The following DSCAM variants were observed in gnomAD, a reference collection of about 807,000 sequenced individuals.
The protein encoded by DSCAM is cell adhesion molecule DSCAM.
A neutral mutation model predicts 217.7 loss-of-function variants in DSCAM; 47 were observed. That is an observed-to-expected ratio of 0.22 (90% confidence interval 0.17 to 0.28). The LOEUF (loss-of-function observed/expected upper bound fraction) is 0.28. DSCAM is among the 10% of genes least tolerant of loss of function. DSCAM has a pLI of 1.00. For missense variants in DSCAM, 2,080 were observed against 2,618.3 expected (o/e 0.79, Z 4.49); for synonymous variants, 1,056 against 1,015.3 (o/e 1.04, Z -0.76).
chr21:40,652,504 G>A (rs1215985636), intron 3 of DSCAM, among the ~76,000 whole-genome samples: 5 of 152,054 alleles, frequency 3.3e-5, no homozygotes, highest in Admixed American at 2.6e-4. Context: ...ACTGAATAAC[G>A]AGCCCATGGC....
chr21:40,806,697 C>T (rs564950518), intron 1 of DSCAM, among the ~76,000 whole-genome samples: 1 of 152,270 alleles, frequency 6.6e-6, no homozygotes, highest in African/African-American at 2.4e-5. Context: ...ATAGCAAATA[C>T]TTGGAACCAA....
At chr21:40,243,402 A>G (rs548937752) in intron 11 of DSCAM, among the ~76,000 whole-genome samples, 14 of 152,180 alleles carry the variant, frequency 9.2e-5, no homozygotes, top group East Asian at 1.9e-4. Flanking sequence ...TTCTTTTTCA[A>G]TAGTGAAAGG....
At chr21:40,760,044 A>T (rs533524653) in intron 1 of DSCAM, among the ~76,000 whole-genome samples, 18 of 151,736 alleles carry the variant, frequency 1.2e-4, no homozygotes, top group Admixed American at 8.5e-4. Flanking sequence ...ACCAGGCTGG[A>T]ATGCAGTGGC....
chr21:40,533,051 T>C (rs998104763), intron 3 of DSCAM, among the ~76,000 whole-genome samples: 1 of 151,976 alleles, frequency 6.6e-6, no homozygotes, highest in African/African-American at 2.4e-5. Flanking sequence ...CTTAATTGAA[T>C]TAACTTTACA....
At chr21:40,686,151 C>T (rs887805320) in intron 3 of DSCAM, among the ~76,000 whole-genome samples, 1 of 148,870 alleles carries the variant, frequency 6.7e-6, no homozygotes, top group South Asian at 2.2e-4. Context: ...ACACACACCC[C>T]CTGCATATAT....
chr21:40,577,715 G>C (rs146162083), intron 3 of DSCAM, among the ~76,000 whole-genome samples: 1,960 of 152,274 alleles, frequency 0.013, 20 homozygotes, highest in South Asian at 0.033. Flanking sequence ...GGTCTAGTTA[G>C]AACAATTTTA....
Position 40,846,802 on chromosome 21 carries a change from CTA to C in DSCAM, c.-143_-142del. 7 of 202,302 alleles carry C rather than the reference CTA, an allele frequency of 3.5e-5. No homozygotes were observed. The highest frequency in any genetic ancestry group is 4.3e-5 in the Non-Finnish European group (5 of 116,816). The allele number at this position is 202,302 out of a possible 1,614,324, so 12.5% of individuals were successfully genotyped here. On this transcript the variant is annotated 5_prime_UTR_variant, in exon 1 of 33. Coordinates refer to ENST00000400454, the MANE Select transcript of DSCAM (RefSeq NM_001389.5). ...CGCCCGCCGCCGCCGCCGCCGCTGC[CTA>C]GCCGCCCGGGCACGCGGCGCGGCCG... is the stretch of plus-strand genomic sequence containing the variant.
At chr21:40,728,257 A>T (rs1352347591) in intron 1 of DSCAM, among the ~76,000 whole-genome samples, 1 of 152,166 alleles carries the variant, frequency 6.6e-6, no homozygotes, top group Non-Finnish European at 1.5e-5. Flanking sequence ...TTATTCCCTG[A>T]TGTATTCCCA....
chr21:40,610,140 ATC>A (rs2089293751), intron 3 of DSCAM, among the ~76,000 whole-genome samples: 2 of 152,148 alleles, frequency 1.3e-5, no homozygotes, highest in Admixed American at 1.3e-4. Flanking sequence ...GCATATTTAA[ATC>A]TCTCATCAAA....
intron 3 of DSCAM, among the ~76,000 whole-genome samples, chr21:40,448,869 C>G (rs995559613): frequency 1.3e-5 from 2 of 152,178 alleles, no homozygotes; most frequent in African/African-American, 4.8e-5. Context: ...CAAACTGCCA[C>G]AAACTTAGTG....
intron 3 of DSCAM, among the ~76,000 whole-genome samples, chr21:40,585,520 A>T (rs2076940143): frequency 6.6e-6 from 1 of 152,210 alleles, no homozygotes. Context: ...AAAGCACAGC[A>T]AAATACATGG....
At chr21:40,603,765 TCTTA>T (rs747949530) in intron 3 of DSCAM, among the ~76,000 whole-genome samples, 38 of 152,238 alleles carry the variant, frequency 2.5e-4, no homozygotes, top group Non-Finnish European at 4.9e-4. Context: ...CACTCCACTC[TCTTA>T]CTTGTGTAGC....
rs534183452 is a variant in DSCAM at position 40,612,134 on chromosome 21, C to T, written c.508+80676G>A. On this transcript the variant is annotated intron_variant, in intron 3 of 32. Transcript: ENST00000400454. ...CAATGGGAAGCCTTGGAAGGTTGTA[C>T]GCTTAGAGGGTGACATGATCCAACA... Among the ~76,000 whole-genome samples, 4 of 152,248 alleles carry T rather than the reference C, an allele frequency of 2.6e-5. No homozygotes were observed. In the East Asian group the frequency reaches 5.8e-4, roughly 22 times the overall value.
intron 11 of DSCAM, among the ~76,000 whole-genome samples, chr21:40,203,789 C>T (rs1571721): frequency 0.55 from 83,436 of 151,840 alleles, 24,442 homozygotes; most frequent in African/African-American, 0.77. Context: ...CATTCCTGTA[C>T]GGCTAAAGAG....
chr21:40,389,954 GT>G (rs1225312758), intron 3 of DSCAM, among the ~76,000 whole-genome samples: 1 of 152,226 alleles, frequency 6.6e-6, no homozygotes, highest in Non-Finnish European at 1.5e-5. Context: ...AAGTCTGGGT[GT>G]TTCTTCTCAT....
chr21:40,638,272 G>A (rs1286211021), intron 3 of DSCAM, among the ~76,000 whole-genome samples: 1 of 152,056 alleles, frequency 6.6e-6, no homozygotes, highest in Non-Finnish European at 1.5e-5. Flanking sequence ...CTTTCAAATG[G>A]AATTTCCCTG....
chr21:40,482,038 A>T (rs181670545), intron 3 of DSCAM, among the ~76,000 whole-genome samples: 1 of 152,304 alleles, frequency 6.6e-6, no homozygotes, highest in African/African-American at 2.4e-5. Flanking sequence ...TATAATTACC[A>T]TGGCAACACC....
At chr21:40,051,890 A>G (rs1441700532) in intron 30 of DSCAM, 68 bp downstream of exon 30, 1 of 1,527,084 alleles carries the variant, frequency 6.5e-7, no homozygotes, top group Non-Finnish European at 8.8e-7. Context: ...CATTTGAGAG[A>G]GAAAGAACAT....
chr21:40,135,006 G>A (rs369382047), intron 18 of DSCAM, among the ~76,000 whole-genome samples: 17 of 152,286 alleles, frequency 1.1e-4, no homozygotes, highest in East Asian at 7.7e-4. Context: ...AACACTATGC[G>A]CTCTCAACTC....
Sources: gnomAD v4.1 joint callset for allele counts (sites outside exome capture counted in the v4.1 genomes callset) on GRCh38, gnomAD v4.1.1 for gene constraint, MANE v1.5 for transcripts, NCBI Gene and HGNC (gene_info 2026-07-23, HGNC 2026-07-21) for gene names.